Variants in ABCA13 observed in about 807,000 individuals in gnomAD.
ABCA13 encodes the protein ATP-binding cassette sub-family A member 13.
Under a neutral mutation model 478.7 loss-of-function variants are expected in ABCA13, and 476 were observed. That is an observed-to-expected ratio of 0.99 (90% CI 0.92 to 1.07). The LOEUF is 1.07. Among genes scored for constraint, ABCA13 ranks in the 50% least tolerant of loss-of-function variants. The probability of loss-of-function intolerance (pLI) is 0.00; values close to 1 mark genes in which losing one functional copy is unlikely to be tolerated. For synonymous variants in ABCA13, 2,252 were observed against 2,158.9 expected (o/e 1.04, Z -1.20); for missense variants, 6,060 against 5,910.6 (o/e 1.03, Z -0.83).
intron 42 of ABCA13, among the ~76,000 whole-genome samples, chr7:48,444,368 A>G (rs12718274): frequency 0.3 from 45,236 of 151,872 alleles, 6,816 homozygotes; most frequent in East Asian, 0.38. Flanking sequence ...GATATGTGCC[A>G]TTTTCCCACC....
intron 23 of ABCA13, among the ~76,000 whole-genome samples, chr7:48,299,398 A>G (rs1799839635): frequency 6.6e-6 from 1 of 152,230 alleles, no homozygotes; most frequent in African/African-American, 2.4e-5. Flanking sequence ...AATTCAAATG[A>G]CAGTGTCACC....
intron 57 of ABCA13, among the ~76,000 whole-genome samples, chr7:48,590,961 T>A (rs1395697254): frequency 6.6e-6 from 1 of 152,128 alleles, no homozygotes; most frequent in African/African-American, 2.4e-5. Context: ...GTGCAGAAAC[T>A]CTTTTCGTTT....
chr7:48,400,184 A>G (rs1817407367), intron 38 of ABCA13, among the ~76,000 whole-genome samples: 1 of 151,914 alleles, frequency 6.6e-6, no homozygotes, highest in Admixed American at 6.6e-5. Flanking sequence ...TCATTACCCT[A>G]CTTACCTATA....
At chr7:48,347,161 T>C (rs1433766596) in intron 29 of ABCA13, among the ~76,000 whole-genome samples, 1 of 152,184 alleles carries the variant, frequency 6.6e-6, no homozygotes, top group Admixed American at 6.5e-5. Context: ...TAGCAGGTAC[T>C]AGGTGGTGTT....
At chr7:48,362,785 T>C (rs1195935671) in intron 31 of ABCA13, among the ~76,000 whole-genome samples, 1 of 152,096 alleles carries the variant, frequency 6.6e-6, no homozygotes, top group Non-Finnish European at 1.5e-5. Flanking sequence ...ATATTTTCTC[T>C]TGTCCATCAT....
intron 31 of ABCA13, among the ~76,000 whole-genome samples, chr7:48,366,336 G>T (rs759890703): frequency 6.6e-6 from 1 of 151,308 alleles, no homozygotes; most frequent in South Asian, 2.1e-4. Flanking sequence ...TTTTTTTCCC[G>T]CTGTCAGCTC....
chr7:48,361,531 T>C (rs1810833015), intron 31 of ABCA13, among the ~76,000 whole-genome samples: 1 of 151,916 alleles, frequency 6.6e-6, no homozygotes, highest in Non-Finnish European at 1.5e-5. Context: ...TTTTTCTGCT[T>C]TTATTTTTAT....
intron 42 of ABCA13, among the ~76,000 whole-genome samples, chr7:48,434,037 A>G (rs1240782830): frequency 6.6e-6 from 1 of 152,012 alleles, no homozygotes; most frequent in Non-Finnish European, 1.5e-5. Flanking sequence ...GCATATAACA[A>G]GAAATGGAAT....
chr7:48,371,075 G>T (rs1003679252), intron 32 of ABCA13, among the ~76,000 whole-genome samples: 1 of 152,114 alleles, frequency 6.6e-6, no homozygotes, highest in Non-Finnish European at 1.5e-5. Flanking sequence ...GTTTGTCGAA[G>T]ATCAGATGGT....
At position 48,615,278 on chromosome 7, in the gene ABCA13, T is replaced by G. The variant is rs1792455109; in HGVS notation, c.14745-7T>G. On this transcript the variant is annotated splice_polypyrimidine_tract_variant and splice_region_variant and intron_variant, in intron 58 of 61. Transcript: ENST00000435803. ...GGCTCATTTTTGTCTCTTTTCCTTC[T>G]TTACAGCATGGAGGAGTGTGAGGCT... The G allele has an allele frequency of 6.8e-7, 1 of 1,473,152 alleles. No homozygotes were observed. The highest frequency in any genetic ancestry group is 1.4e-5 in the African/African-American group (1 of 71,866). 91.3% of individuals were successfully genotyped at this position (1,473,152 alleles called of 1,614,324 possible).
chr7:48,603,351 A>T (rs73324242), intron 58 of ABCA13, among the ~76,000 whole-genome samples: 49 of 152,260 alleles, frequency 3.2e-4, no homozygotes, highest in African/African-American at 1.1e-3. Context: ...ATTCAATATG[A>T]TAGTGCCTGT....
At chr7:48,512,004 A>G (rs17132430) in intron 51 of ABCA13, among the ~76,000 whole-genome samples, 27,814 of 152,030 alleles carry the variant, frequency 0.18, 2,997 homozygotes, top group African/African-American at 0.29. Flanking sequence ...ACAAATATAT[A>G]CCATTACTAG....
chr7:48,440,680 T>G (rs1163382409), intron 42 of ABCA13, among the ~76,000 whole-genome samples: 2 of 151,844 alleles, frequency 1.3e-5, no homozygotes, highest in Non-Finnish European at 2.9e-5. Flanking sequence ...GAAGTTAGAA[T>G]AATTTATGTT....
At chr7:48,427,478 C>G (rs1203637453) in intron 41 of ABCA13, among the ~76,000 whole-genome samples, 1 of 152,122 alleles carries the variant, frequency 6.6e-6, no homozygotes, top group Non-Finnish European at 1.5e-5. Context: ...GCTATCTGTC[C>G]CCTCCCTGCC....
At chr7:48,315,059 A>G (rs1802368797) in intron 26 of ABCA13, among the ~76,000 whole-genome samples, 1 of 152,220 alleles carries the variant, frequency 6.6e-6, no homozygotes, top group African/African-American at 2.4e-5. Flanking sequence ...CAGCTCCATC[A>G]GTTGTGCATT....
chr7:48,231,418 G>A (rs1789058305), intron 7 of ABCA13, among the ~76,000 whole-genome samples: 1 of 152,138 alleles, frequency 6.6e-6, no homozygotes, highest in African/African-American at 2.4e-5. Flanking sequence ...GCTGAGAGCT[G>A]TGAATGTTTG....
intron 21 of ABCA13, 32 bp from the exon 22 acceptor site, chr7:48,297,200 C>T (rs1456987903): frequency 6.5e-7 from 1 of 1,545,542 alleles, no homozygotes; most frequent in Non-Finnish European, 8.8e-7. Flanking sequence ...TTTTAGCTTG[C>T]CTAATTTAGC....
chr7:48,467,960 T>G (rs1021716216), intron 44 of ABCA13, among the ~76,000 whole-genome samples: 18 of 152,206 alleles, frequency 1.2e-4, no homozygotes, highest in African/African-American at 4.1e-4. Flanking sequence ...AACAAAGTAA[T>G]TTATTTAACT....
chr7:48,249,192 T>C lies in ABCA13; in HGVS notation c.1866-20T>C. 2 of 1,584,598 alleles carry C rather than the reference T, an allele frequency of 1.3e-6. No homozygotes were observed. Among genetic ancestry groups the C allele is most frequent in the Non-Finnish European group, 1.7e-6 (2 of 1,165,208 alleles). ...ATCATTTTTAAATTTTAATTTTCTC[T>C]GGATTCTTTTTGATTGCAGGATATT... On this transcript the variant is annotated intron_variant, in intron 14 of 61. Coordinates refer to ENST00000435803, the MANE Select transcript of ABCA13 (RefSeq NM_152701.5).
Sources: allele counts gnomAD v4.1 joint callset (sites outside exome capture counted in the v4.1 genomes callset), GRCh38; gene constraint gnomAD v4.1.1; transcripts MANE v1.5; gene names NCBI Gene and HGNC (gene_info 2026-07-23, HGNC 2026-07-21).